CYP3A43: variants seen among roughly 807,000 people sequenced by gnomAD.
CYP3A43 encodes cytochrome P450 3A43.
Under a neutral mutation model 58.0 loss-of-function variants are expected in CYP3A43, and 45 were observed. The ratio of observed to expected loss-of-function variants is 0.78; its 90% CI spans 0.61 to 0.99. The LOEUF (loss-of-function observed/expected upper bound fraction) is 0.99, where lower values mean the gene tolerates loss of function less well. Among genes scored for constraint, CYP3A43 ranks in the 50% least tolerant of loss-of-function variants. The pLI is 0.00. For synonymous variants in CYP3A43, 191 were observed against 201.4 expected (o/e 0.95, Z 0.44); for missense variants, 593 against 591.9 (o/e 1.00, Z -0.02).
chr7:99,862,148 C>G (rs1193654426), intron 11 of CYP3A43, among the ~76,000 whole-genome samples: 1 of 152,170 alleles, frequency 6.6e-6, no homozygotes, highest in Non-Finnish European at 1.5e-5. Flanking sequence ...AAACCATTAC[C>G]TATCTACTAT....
chr7:99,862,948 C>T (rs1818296676), intron 11 of CYP3A43, among the ~76,000 whole-genome samples: 2 of 152,198 alleles, frequency 1.3e-5, no homozygotes, highest in Admixed American at 6.5e-5. Flanking sequence ...CTTCTCTTTG[C>T]ATCATTCAGT....
chr7:99,850,347 C>T (rs1344221566), intron 7 of CYP3A43, among the ~76,000 whole-genome samples: 3 of 151,932 alleles, frequency 2.0e-5, no homozygotes, highest in Non-Finnish European at 2.9e-5. Context: ...CTGCAACCTC[C>T]GCCTTCCAGG....
intron 11 of CYP3A43, among the ~76,000 whole-genome samples, 169 bp from the exon 12 acceptor site, chr7:99,863,368 T>C (rs1818315445): frequency 6.6e-6 from 1 of 152,216 alleles, no homozygotes; most frequent in Admixed American, 6.5e-5. Context: ...GGTTTAACCT[T>C]CAAAAATTGT....
At chr7:99,856,922 G>A in intron 9 of CYP3A43, 23 bp downstream of exon 9, 1 of 1,608,038 alleles carries the variant, frequency 6.2e-7, no homozygotes, top group Non-Finnish European at 8.5e-7. Flanking sequence ...TGCATCTGGG[G>A]GCTACTGATG....
chr7:99,866,018 C>T lies in CYP3A43; in HGVS notation c.*17C>T, dbSNP rs533331220. On this transcript the variant is annotated 3_prime_UTR_variant, in exon 13 of 13. Coordinates refer to ENST00000354829, the MANE Select transcript of CYP3A43 (RefSeq NM_057095.3). ...GGACCCTGACTTTCCCTAAGGACTT[C>T]CACTTTGTTCAAGAAAGCTGTATCC... 1 of 1,521,266 alleles carries T rather than the reference C, an allele frequency of 6.6e-7. No individual in the cohort carries two copies. The highest frequency in any genetic ancestry group is 2.3e-5 in the East Asian group (1 of 43,774). The allele number at this position is 1,521,266 out of a possible 1,614,324, so 94.2% of individuals were successfully genotyped here.
chr7:99,830,539 A>C (rs1374437032), intron 1 of CYP3A43, among the ~76,000 whole-genome samples: 2 of 152,164 alleles, frequency 1.3e-5, no homozygotes, highest in Admixed American at 1.3e-4. Flanking sequence ...AAAAGAAAAA[A>C]ATAATATTAG....
At chr7:99,854,451 C>T (rs1255360312) in intron 7 of CYP3A43, among the ~76,000 whole-genome samples, 3 of 151,488 alleles carry the variant, frequency 2.0e-5, no homozygotes, top group Admixed American at 6.6e-5. Context: ...GTGATCCACC[C>T]GCCTCAGCCT....
chr7:99,853,078 T>C (rs1817824091), intron 7 of CYP3A43, among the ~76,000 whole-genome samples: 1 of 152,232 alleles, frequency 6.6e-6, no homozygotes, highest in South Asian at 2.1e-4. Flanking sequence ...GATATATTTT[T>C]CCAGTTTTAA....
rs34048683 is a variant in CYP3A43 at position 99,851,162 on chromosome 7, T to TA, written c.670+1480dup. 6.3e-4 allele frequency among the ~76,000 whole-genome samples: 90 copies of TA among 143,914 alleles called. No homozygotes were observed. The South Asian group carries it at 9.1e-3, about 15-fold the overall frequency. 94.4% of individuals were successfully genotyped at this position (143,914 alleles called of 152,430 possible). Reference sequence around the variant, plus strand: ...CCTGGTGACAGAGCAAGACCCCGTCTAAAAAAAAAAAAGATATGCTGCATT... The same window carrying TA: ...CCTGGTGACAGAGCAAGACCCCGTCTAAAAAAAAAAAAAGATATGCTGCATT... On this transcript the variant is annotated intron_variant, in intron 7 of 12. Transcript: ENST00000354829.
At chr7:99,839,013 A>G in intron 2 of CYP3A43, 107 bp from the exon 3 acceptor site, 1 of 1,287,794 alleles carries the variant, frequency 7.8e-7, no homozygotes, top group Non-Finnish European at 1.1e-6. Flanking sequence ...AAATGGTAGC[A>G]AGCCTAATGG....
chr7:99,865,978 G>A lies in CYP3A43; in HGVS notation c.1489G>A (p.Asp497Asn). ...KPIVLKVHLR[D>N]GITSGP ...TATTGTTCTAAAAGTGCACTTAAGA[G>A]ATGGGATTACAAGTGGACCCTGACT... is the stretch of plus-strand genomic sequence containing the variant. Residue 497 changes from aspartate to asparagine, a missense_variant, in exon 13 of 13, where the codon GAT becomes AAT. By Grantham distance (23) the Asp-to-Asn change is conservative (BLOSUM62 1). Coordinates refer to ENST00000354829, the MANE Select transcript of CYP3A43 (RefSeq NM_057095.3). 1.2e-6 allele frequency: 2 copies of A among 1,606,202 alleles called. No homozygotes were observed. The highest frequency in any genetic ancestry group is 8.5e-7 in the Non-Finnish European group (1 of 1,176,314).
chr7:99,837,101 C>T (rs1252684856), intron 2 of CYP3A43, among the ~76,000 whole-genome samples: 3 of 147,286 alleles, frequency 2.0e-5, no homozygotes, highest in Middle Eastern at 3.5e-3. Context: ...GTCAGGAGAT[C>T]GAGACCATCC....
intron 9 of CYP3A43, among the ~76,000 whole-genome samples, chr7:99,859,626 G>GA (rs111441267): frequency 5.3e-5 from 8 of 151,668 alleles, no homozygotes; most frequent in Non-Finnish European, 8.8e-5. Context: ...GTAGACCCTG[G>GA]AAAAAAAACT....
chr7:99,842,523 T>C (rs1012044004), intron 3 of CYP3A43, among the ~76,000 whole-genome samples: 1 of 152,226 alleles, frequency 6.6e-6, no homozygotes, highest in Admixed American at 6.5e-5. Flanking sequence ...CTCTTTCCTG[T>C]CTTTTAACTT....
intron 7 of CYP3A43, among the ~76,000 whole-genome samples, chr7:99,854,820 A>G (rs952023777): frequency 6.6e-6 from 1 of 151,346 alleles, no homozygotes; most frequent in Non-Finnish European, 1.5e-5. Flanking sequence ...CTCATTGGTT[A>G]CTTAAAAGTG....
At chr7:99,845,621 C>T (rs896469928) in intron 4 of CYP3A43, among the ~76,000 whole-genome samples, 1 of 152,100 alleles carries the variant, frequency 6.6e-6, no homozygotes, top group Non-Finnish European at 1.5e-5. Flanking sequence ...CACACCTAAC[C>T]TGCGCATCTG....
intron 1 of CYP3A43, among the ~76,000 whole-genome samples, chr7:99,831,011 T>A (rs1816819930): frequency 6.6e-6 from 1 of 152,244 alleles, no homozygotes; most frequent in Admixed American, 6.5e-5. Flanking sequence ...TGGGGATGCT[T>A]TCTGATTGAC....
At chr7:99,852,323 A>G (rs112505582) in intron 7 of CYP3A43, among the ~76,000 whole-genome samples, 190 of 152,308 alleles carry the variant, frequency 1.2e-3, no homozygotes, top group African/African-American at 4.2e-3. Context: ...CAACTTGTCA[A>G]TTTCTACAAA....
chr7:99,843,087 ATTTC>A (rs1297493656), intron 3 of CYP3A43, among the ~76,000 whole-genome samples: 1 of 152,242 alleles, frequency 6.6e-6, no homozygotes. Flanking sequence ...TAAAATGGAG[ATTTC>A]TTTATCACAA....
Sources: gnomAD v4.1 joint callset for allele counts (sites outside exome capture counted in the v4.1 genomes callset) on GRCh38, gnomAD v4.1.1 for gene constraint, MANE v1.5 for transcripts, NCBI Gene and HGNC (gene_info 2026-07-23, HGNC 2026-07-21) for gene names.